SLC29A4: variants seen among roughly 807,000 people sequenced by gnomAD.
SLC29A4 encodes the protein solute carrier family 29 member 4.
SLC29A4 carries 36 observed loss-of-function variants against 43.9 expected under a neutral mutation model. The observed-to-expected ratio is 0.82, with a 90% CI of 0.63 to 1.08. The LOEUF is 1.08. SLC29A4 is among the 50% of genes least tolerant of loss of function. The pLI, the probability that SLC29A4 is intolerant of heterozygous loss-of-function variation, is 0.00. For synonymous variants in SLC29A4, 491 were observed against 338.0 expected, an observed-to-expected ratio of 1.45 and a Z score of -4.97; for missense variants, 869 against 755.3, an observed-to-expected ratio of 1.15 and a Z score of -1.77.
intron 5 of SLC29A4, among the ~76,000 whole-genome samples, chr7:5,292,690 CTTTTTTTTT>C (rs1056329272): frequency 1.6e-3 from 105 of 67,408 alleles, no homozygotes; most frequent in African/African-American, 5.0e-3. Flanking sequence ...CATTTTTTTC[CTTTTTTTTT>C]TTTTTTTTTT....
chr7:5,297,967 G>A (rs1442439218), intron 7 of SLC29A4, among the ~76,000 whole-genome samples: 1 of 152,176 alleles, frequency 6.6e-6, no homozygotes, highest in South Asian at 2.1e-4. Context: ...GGTGCCTTCT[G>A]GTGGCAGCAG....
In SLC29A4 at chr7:5,306,872, A is replaced by AAACAT. The variant is rs1307621881; in HGVS notation, c.*3936_*3940dup. The AAACAT allele has an allele frequency of 1.1e-5, 1 of 91,454 alleles. No homozygotes were observed. Among genetic ancestry groups the AAACAT allele is most frequent in the Non-Finnish European group, 2.0e-5 (1 of 49,208 alleles). The allele number at this position is 91,454 out of a possible 1,614,324, so 5.7% of individuals were successfully genotyped here. Reference sequence around the variant, plus strand: ...TTGCCAACAAACAAAATTCCAAAAGAAACATAAAAAAAAAAACCAATAATT... The same window carrying AAACAT: ...TTGCCAACAAACAAAATTCCAAAAGAAACATAACATAAAAAAAAAAACCAATAATT... On this transcript the variant is annotated 3_prime_UTR_variant, in exon 11 of 11. Coordinates refer to ENST00000396872, the MANE Select transcript of SLC29A4 (RefSeq NM_153247.4).
In SLC29A4 at chr7:5,304,305, C is replaced by CCT. The variant is rs889825492; in HGVS notation, c.*1367_*1368insTC. 1 of 148,950 alleles carries CCT rather than the reference C, an allele frequency of 6.7e-6. No homozygotes were observed. Among genetic ancestry groups the CCT allele is most frequent in the Non-Finnish European group, 1.5e-5 (1 of 66,798 alleles). The allele number at this position is 148,950 out of a possible 1,614,324, so 9.2% of individuals were successfully genotyped here. The stretch of plus-strand genomic sequence containing the variant: ...TGTCGCTCACCTTGACCGCCCGCCC[C>CCT]CCCCACCCCTTCGTGAGGATCAGGG... On this transcript the variant is annotated 3_prime_UTR_variant, in exon 11 of 11. Coordinates refer to ENST00000396872, the MANE Select transcript of SLC29A4 (RefSeq NM_153247.4).
At chr7:5,294,531 C>T (rs1186052660) in intron 5 of SLC29A4, among the ~76,000 whole-genome samples, 1 of 152,140 alleles carries the variant, frequency 6.6e-6, no homozygotes, top group Non-Finnish European at 1.5e-5. Flanking sequence ...AGACAGTCCT[C>T]TCCCCACCCC....
At chr7:5,284,082 C>T (rs1784822492) in intron 1 of SLC29A4, among the ~76,000 whole-genome samples, 1 of 147,702 alleles carries the variant, frequency 6.8e-6, no homozygotes, top group Non-Finnish European at 1.5e-5. Flanking sequence ...GTCGCCCTCC[C>T]TGCAAAGTGG....
chr7:5,293,288 C>T (rs1262604876), intron 5 of SLC29A4, among the ~76,000 whole-genome samples: 4 of 151,124 alleles, frequency 2.6e-5, no homozygotes, highest in African/African-American at 9.8e-5. Context: ...TCTCCTGCCT[C>T]AGCCTCCCGA....
intron 1 of SLC29A4, among the ~76,000 whole-genome samples, chr7:5,284,001 C>A (rs1784808801): frequency 6.7e-6 from 1 of 150,180 alleles, no homozygotes; most frequent in South Asian, 2.1e-4. Flanking sequence ...CGGAGGGGGT[C>A]ACTGGGCCAG....
At position 5,299,441 on chromosome 7, in the gene SLC29A4, C is replaced by T. The variant is rs758689978; in HGVS notation, c.1209+14C>T. ...TTCGTGGGCAAGGTGGGCTGCCTGC[C>T]CTGCCCGGTGTCGGGGGACGCCATG... On this transcript the variant is annotated intron_variant, in intron 9 of 10. Coordinates refer to ENST00000396872, the MANE Select transcript of SLC29A4 (RefSeq NM_153247.4). 281 of 1,606,644 alleles carry T rather than the reference C, an allele frequency of 1.7e-4. No individual in the cohort carries two copies. Among genetic ancestry groups the T allele is most frequent in the Non-Finnish European group, 2.3e-4 (272 of 1,176,444 alleles).
intron 7 of SLC29A4, among the ~76,000 whole-genome samples, chr7:5,297,896 C>G (rs1048932830): frequency 6.6e-6 from 1 of 152,154 alleles, no homozygotes; most frequent in African/African-American, 2.4e-5. Flanking sequence ...CACAGACAGC[C>G]CCTGCCAGGA....
chr7:5,283,256 C>T (rs895684170), intron 1 of SLC29A4, among the ~76,000 whole-genome samples, 174 bp downstream of exon 1: 3 of 151,326 alleles, frequency 2.0e-5, no homozygotes, highest in African/African-American at 7.3e-5. Context: ...CTGAGCGGCC[C>T]AGCCCCCCGC....
At chr7:5,299,802 G>C (rs1786006132) in intron 9 of SLC29A4, among the ~76,000 whole-genome samples, 3 of 152,368 alleles carry the variant, frequency 2.0e-5, no homozygotes, top group South Asian at 4.1e-4. Flanking sequence ...TGTAATCCTA[G>C]CACTTCAGGA....
intron 7 of SLC29A4, among the ~76,000 whole-genome samples, chr7:5,297,943 C>T (rs549003526): frequency 5.9e-5 from 9 of 152,326 alleles, no homozygotes; most frequent in South Asian, 2.1e-4. Context: ...AGGCAGACGT[C>T]CTTGGGGGGC....
At chr7:5,297,291 C>T in intron 7 of SLC29A4, 93 bp downstream of exon 7, 3 of 1,378,492 alleles carry the variant, frequency 2.2e-6, no homozygotes, top group African/African-American at 1.5e-5. Context: ...AGCCTCTCAC[C>T]TGCATCCCAG....
At chr7:5,292,690 C>CTTTTTTTTT (rs1056329272) in intron 5 of SLC29A4, among the ~76,000 whole-genome samples, 3,381 of 67,444 alleles carry the variant, frequency 0.05, 654 homozygotes, top group Non-Finnish European at 0.067. Context: ...CATTTTTTTC[C>CTTTTTTTTT]TTTTTTTTTT....
In SLC29A4 at chr7:5,299,500, C is replaced by T. The variant is rs181429486; in HGVS notation, c.1209+73C>T. The T allele has an allele frequency of 3.8e-4, 570 of 1,488,054 alleles. 2 individuals carry two copies. In the African/African-American group the frequency reaches 6.7e-3, roughly 18 times the overall value. 92.2% of individuals were successfully genotyped at this position (1,488,054 alleles called of 1,614,324 possible). A position where few individuals can be genotyped will look rare whatever the true frequency, so the allele number is the denominator to read the frequency against. On this transcript the variant is annotated intron_variant, in intron 9 of 10. Coordinates refer to ENST00000396872, the MANE Select transcript of SLC29A4 (RefSeq NM_153247.4). ...GTGACAAGGGAGGCCCTGGCCTATCCGGGAAGGGTTCTGAGTGAAGGATGC... is the reference window on the plus strand; with the variant it reads ...GTGACAAGGGAGGCCCTGGCCTATCTGGGAAGGGTTCTGAGTGAAGGATGC...
Position 5,303,268 on chromosome 7 carries a change from C to G in SLC29A4, c.*329C>G. ...TCTGCAGGGTCACACGCACCGTGTC[C>G]CCACCCAGGACAGCAGACACCCGCC... On this transcript the variant is annotated 3_prime_UTR_variant, in exon 11 of 11. Transcript: ENST00000396872. 1 of 414,764 alleles carries G rather than the reference C, an allele frequency of 2.4e-6. No homozygotes were observed. The highest frequency in any genetic ancestry group is 4.4e-6 in the Non-Finnish European group (1 of 226,002). The allele number at this position is 414,764 out of a possible 1,614,324, so 25.7% of individuals were successfully genotyped here.
At chr7:5,287,191 C>T (rs1309968507) in intron 1 of SLC29A4, among the ~76,000 whole-genome samples, 10 of 152,048 alleles carry the variant, frequency 6.6e-5, no homozygotes, top group African/African-American at 1.4e-4. Context: ...TTTGGGAGGC[C>T]GAGGCAGGAG....
At chr7:5,300,804 G>A in intron 10 of SLC29A4, 142 bp downstream of exon 10, 1 of 1,167,286 alleles carries the variant, frequency 8.6e-7, no homozygotes, top group South Asian at 1.6e-5. Context: ...GGCCGTAGGT[G>A]TGGGGACATT....
At chr7:5,297,273 T>C (rs1227944539) in intron 7 of SLC29A4, 75 bp downstream of exon 7, 11 of 1,422,896 alleles carry the variant, frequency 7.7e-6, no homozygotes, top group Non-Finnish European at 9.2e-6. Context: ...GGGAAGTACC[T>C]GGGGCCCAGC....
Sources: gnomAD v4.1 joint callset for allele counts (sites outside exome capture counted in the v4.1 genomes callset) on GRCh38, gnomAD v4.1.1 for gene constraint, MANE v1.5 for transcripts, NCBI Gene and HGNC (gene_info 2026-07-23, HGNC 2026-07-21) for gene names.